GPC6: variants seen among roughly 807,000 people sequenced by gnomAD.
GPC6 encodes glypican-6.
In GPC6, 14 loss-of-function variants were observed where a neutral mutation model predicts 55.2. The observed-to-expected ratio is 0.25, with a 90% CI of 0.17 to 0.40. The LOEUF (loss-of-function observed/expected upper bound fraction) is 0.40, where lower values mean the gene tolerates loss of function less well. GPC6 is among the 10% of genes least tolerant of loss of function. The pLI, the probability that GPC6 is intolerant of heterozygous loss-of-function variation, is 1.00. For missense variants in GPC6, 641 were observed against 708.5 expected (o/e 0.90, Z 1.08); for synonymous variants, 278 against 259.6 (o/e 1.07, Z -0.68).
At chr13:93,806,308 AT>A (rs926238427) in intron 2 of GPC6, among the ~76,000 whole-genome samples, 5 of 151,422 alleles carry the variant, frequency 3.3e-5, no homozygotes, top group African/African-American at 1.2e-4. Flanking sequence ...ACAACGTATA[AT>A]TTTTTTTTCA....
At chr13:94,098,236 T>C (rs1286634227) in intron 4 of GPC6, among the ~76,000 whole-genome samples, 2 of 152,222 alleles carry the variant, frequency 1.3e-5, no homozygotes, top group East Asian at 3.8e-4. Context: ...TGTAGTTTAA[T>C]ATAGACTGGA....
At chr13:94,293,483 C>T (rs1215593299) in intron 5 of GPC6, among the ~76,000 whole-genome samples, 1 of 152,206 alleles carries the variant, frequency 6.6e-6, no homozygotes, top group Non-Finnish European at 1.5e-5. Context: ...TTCCTGAGGC[C>T]TCCCCAGCCA....
intron 3 of GPC6, among the ~76,000 whole-genome samples, chr13:93,855,201 C>T (rs113239768): frequency 6.6e-6 from 1 of 151,626 alleles, no homozygotes; most frequent in African/African-American, 2.4e-5. Context: ...CCTTACTAAT[C>T]CCTGGCAATA....
upstream of GPC6, among the ~76,000 whole-genome samples, chr13:93,223,534 C>T (rs1454435063): frequency 6.6e-6 from 1 of 152,078 alleles, no homozygotes; most frequent in Non-Finnish European, 1.5e-5. Flanking sequence ...ACCTCCACCT[C>T]CAGAGTTCAA....
At chr13:94,076,671 C>G (rs1594717155) in intron 4 of GPC6, among the ~76,000 whole-genome samples, 1 of 151,886 alleles carries the variant, frequency 6.6e-6, no homozygotes, top group African/African-American at 2.4e-5. Flanking sequence ...GTATAAGATA[C>G]AGTCCCAATT....
At chr13:93,646,483 G>T (rs367970969) in intron 2 of GPC6, among the ~76,000 whole-genome samples, 3 of 151,996 alleles carry the variant, frequency 2.0e-5, no homozygotes, top group East Asian at 3.9e-4. Context: ...TCAACAGTTT[G>T]GGATGAGAAA....
At chr13:93,640,816 TTTCCTTCCTTCCTTTGTTCCTTCCTTCC>T (rs1436058116) in intron 2 of GPC6, among the ~76,000 whole-genome samples, 3 of 58,430 alleles carry the variant, frequency 5.1e-5, no homozygotes, top group African/African-American at 1.4e-4. Flanking sequence ...TCCTTCCTTC[TTTCCTTCCTTCCTTTGTTCCTTCCTTCC>T]TTCCTTCCTA....
chr13:93,468,359 C>G (rs1170439684), intron 1 of GPC6, among the ~76,000 whole-genome samples: 1 of 152,012 alleles, frequency 6.6e-6, no homozygotes, highest in Non-Finnish European at 1.5e-5. Flanking sequence ...CTATGTTCCA[C>G]ATGAGAATAT....
At chr13:93,645,933 C>G (rs889416012) in intron 2 of GPC6, among the ~76,000 whole-genome samples, 1 of 151,968 alleles carries the variant, frequency 6.6e-6, no homozygotes, top group Non-Finnish European at 1.5e-5. Flanking sequence ...GTCCCCCGAC[C>G]CTCCCCAGAT....
intron 2 of GPC6, among the ~76,000 whole-genome samples, chr13:93,665,056 AC>A (rs1594354149): frequency 6.6e-6 from 1 of 152,176 alleles, no homozygotes; most frequent in Non-Finnish European, 1.5e-5. Flanking sequence ...AGGGTAGAGC[AC>A]CCACACTTGT....
chr13:94,296,846 G>A (rs1318590752), intron 5 of GPC6, among the ~76,000 whole-genome samples: 2 of 152,076 alleles, frequency 1.3e-5, no homozygotes, highest in Admixed American at 6.6e-5. Context: ...TTAACCTTAA[G>A]AGCATAGATA....
At chr13:93,492,847 C>G (rs959719860) in intron 1 of GPC6, among the ~76,000 whole-genome samples, 2 of 149,550 alleles carry the variant, frequency 1.3e-5, no homozygotes, top group Admixed American at 1.3e-4. Context: ...TATATTGAAC[C>G]AGCCTTGCAT....
intron 4 of GPC6, among the ~76,000 whole-genome samples, chr13:94,227,829 C>T (rs1028343772): frequency 7.2e-5 from 11 of 152,072 alleles, no homozygotes; most frequent in African/African-American, 2.7e-4. Context: ...TGAACACTGC[C>T]AATCACCGAG....
At chr13:94,024,100 T>TAGAC (rs1257753885) in intron 3 of GPC6, among the ~76,000 whole-genome samples, 2 of 119,324 alleles carry the variant, frequency 1.7e-5, no homozygotes, top group East Asian at 4.7e-4. Flanking sequence ...GAACTGTGTA[T>TAGAC]AGACACACAC....
intron 4 of GPC6, among the ~76,000 whole-genome samples, chr13:94,214,130 T>C (rs559661538): frequency 1.8e-4 from 28 of 152,336 alleles, no homozygotes; most frequent in African/African-American, 6.0e-4. Flanking sequence ...GCAGTAATAA[T>C]TTCATATTTG....
At chr13:93,502,791 G>C (rs1371803395) in intron 1 of GPC6, among the ~76,000 whole-genome samples, 1 of 152,004 alleles carries the variant, frequency 6.6e-6, no homozygotes, top group Non-Finnish European at 1.5e-5. Context: ...TGGGGTAAAT[G>C]CTCCTACCAC....
intron 2 of GPC6, among the ~76,000 whole-genome samples, chr13:93,561,439 T>TATATATA (rs1875800005): frequency 1.0e-5 from 1 of 98,246 alleles, no homozygotes; most frequent in African/African-American, 4.7e-5. Context: ...GTTGCAGTTC[T>TATATATA]TATATTCTAA....
At chr13:93,358,087 G>A (rs1412056532) in intron 1 of GPC6, among the ~76,000 whole-genome samples, 2 of 152,226 alleles carry the variant, frequency 1.3e-5, no homozygotes, top group East Asian at 3.9e-4. Flanking sequence ...GTGGCTCATG[G>A]CTATAATCCA....
intron 1 of GPC6, among the ~76,000 whole-genome samples, chr13:93,520,066 A>G (rs906646877): frequency 1.3e-5 from 2 of 152,014 alleles, no homozygotes; most frequent in African/African-American, 4.8e-5. Context: ...TTCAGCATAT[A>G]AACTTGTGAT....
Sources: allele counts gnomAD v4.1 joint callset (sites outside exome capture counted in the v4.1 genomes callset), GRCh38; gene constraint gnomAD v4.1.1; transcripts MANE v1.5; gene names NCBI Gene and HGNC (gene_info 2026-07-23, HGNC 2026-07-21).